Variants in UNC13C observed in about 807,000 individuals in gnomAD.
The protein encoded by UNC13C is protein unc-13 homolog C.
UNC13C carries 174 observed loss-of-function variants against 245.4 expected under a neutral mutation model. The ratio of observed to expected loss-of-function variants is 0.71; its 90% CI spans 0.63 to 0.80. UNC13C has a LOEUF of 0.80. UNC13C is among the 30% of genes least tolerant of loss of function. The pLI is 0.00. For synonymous variants in UNC13C, 992 were observed against 895.1 expected (o/e 1.11, Z -1.93); for missense variants, 2,829 against 2,602.9 (o/e 1.09, Z -1.89).
At chr15:54,281,338 G>C (rs535843450) in intron 10 of UNC13C, among the ~76,000 whole-genome samples, 5 of 152,176 alleles carry the variant, frequency 3.3e-5, no homozygotes, top group African/African-American at 1.2e-4. Context: ...AAAATGCTTT[G>C]TGTTTAAGAT....
intron 30 of UNC13C, among the ~76,000 whole-genome samples, chr15:54,591,072 C>T (rs569528820): frequency 5.3e-4 from 80 of 152,182 alleles, no homozygotes; most frequent in Non-Finnish European, 7.2e-4. Flanking sequence ...GTCTTTAATT[C>T]TGTTTATGTC....
At chr15:54,362,895 G>T (rs2039268552) in intron 17 of UNC13C, among the ~76,000 whole-genome samples, 1 of 152,184 alleles carries the variant, frequency 6.6e-6, no homozygotes, top group Non-Finnish European at 1.5e-5. Context: ...TGAGAAGAAG[G>T]CATATAAAGA....
chr15:54,446,575 T>C (rs1890827196), intron 19 of UNC13C, among the ~76,000 whole-genome samples: 1 of 152,244 alleles, frequency 6.6e-6, no homozygotes. Context: ...GGGAGTTCAC[T>C]CATGATTTGG....
chr15:54,136,384 A>G (rs2031734163), intron 2 of UNC13C, among the ~76,000 whole-genome samples: 1 of 151,968 alleles, frequency 6.6e-6, no homozygotes, highest in Middle Eastern at 3.2e-3. Context: ...AGTTTGTTAT[A>G]TTAGTGTATA....
intron 2 of UNC13C, among the ~76,000 whole-genome samples, chr15:54,056,303 C>T (rs1157794943): frequency 6.6e-6 from 1 of 152,068 alleles, no homozygotes; most frequent in Non-Finnish European, 1.5e-5. Flanking sequence ...ACGAGACCTA[C>T]GTGACGAATG....
chr15:54,201,687 A>G (rs1453717952), intron 4 of UNC13C, among the ~76,000 whole-genome samples: 3 of 152,028 alleles, frequency 2.0e-5, no homozygotes, highest in Non-Finnish European at 4.4e-5. Flanking sequence ...TCCATCTAGG[A>G]CAAACCCACA....
intron 2 of UNC13C, among the ~76,000 whole-genome samples, chr15:54,026,214 T>C (rs1269926784): frequency 6.6e-6 from 1 of 152,196 alleles, no homozygotes; most frequent in Non-Finnish European, 1.5e-5. Context: ...ATCATATATA[T>C]TGAATCCTCA....
In UNC13C at chr15:54,243,589, C is replaced by T. The variant is rs146126216; in HGVS notation, c.3228+5899C>T. Among the ~76,000 whole-genome samples, 20 of 116,428 alleles carry T rather than the reference C, an allele frequency of 1.7e-4. No individual in the cohort carries two copies. In the East Asian group the frequency reaches 4.7e-3, roughly 27 times the overall value. 76.4% of individuals were successfully genotyped at this position (116,428 alleles called of 152,430 possible). On this transcript the variant is annotated intron_variant, in intron 7 of 32. Coordinates refer to ENST00000260323, the MANE Select transcript of UNC13C (RefSeq NM_001080534.3). ...ACTATGATTGAGCTAATTTAATTCC[C>T]ACCAACAGTGTAAAGCATTCCTTTT...
chr15:54,259,759 A>G (rs1047815081), intron 8 of UNC13C, among the ~76,000 whole-genome samples: 1 of 152,216 alleles, frequency 6.6e-6, no homozygotes, highest in Non-Finnish European at 1.5e-5. Context: ...TATGCTGACT[A>G]TGTAAGTGCA....
At chr15:54,161,622 G>C (rs1007156965) in intron 4 of UNC13C, among the ~76,000 whole-genome samples, 1 of 151,830 alleles carries the variant, frequency 6.6e-6, no homozygotes, top group Non-Finnish European at 1.5e-5. Flanking sequence ...TTTTATATTA[G>C]ATACAGTAAG....
At chr15:54,631,430 A>AT (rs1901456156), downstream of UNC13C, 1 of 152,220 alleles carries the variant, frequency 6.6e-6, no homozygotes, top group African/African-American at 2.4e-5. Flanking sequence ...ATGCGTAGTC[A>AT]TGTATTAATC....
rs570377879 is a variant in UNC13C at position 54,624,098 on chromosome 15, C to T, written c.6359+144C>T. 35 of 968,774 alleles carry T rather than the reference C, an allele frequency of 3.6e-5. No individual in the cohort carries two copies. In the South Asian group the frequency reaches 5.7e-4, roughly 16 times the overall value. The allele number at this position is 968,774 out of a possible 1,614,324, so 60.0% of individuals were successfully genotyped here. On this transcript the variant is annotated intron_variant, in intron 32 of 32. Coordinates refer to ENST00000260323, the MANE Select transcript of UNC13C (RefSeq NM_001080534.3). Reference sequence around the variant, plus strand: ...CCCTTCCATTCATTCAATATCTGTTCAGTGCCTGCCATGTATCAGCCAATG... The same window carrying T: ...CCCTTCCATTCATTCAATATCTGTTTAGTGCCTGCCATGTATCAGCCAATG...
At chr15:54,160,973 T>A (rs952143892) in intron 4 of UNC13C, among the ~76,000 whole-genome samples, 5 of 152,226 alleles carry the variant, frequency 3.3e-5, no homozygotes, top group Non-Finnish European at 7.3e-5. Context: ...AAGGTTGATA[T>A]CTTAGCCTAA....
the UNC13C span, among the ~76,000 whole-genome samples, chr15:53,956,376 T>C: frequency 6.8e-3 from 1,039 of 152,042 alleles, 11 homozygotes; most frequent in African/African-American, 0.024. Flanking sequence ...GAAATTCACA[T>C]AGCAAATATG....
chr15:54,075,447 G>GCC (rs3082264), intron 2 of UNC13C, among the ~76,000 whole-genome samples: 46,088 of 112,926 alleles, frequency 0.41, 12,173 homozygotes, highest in Non-Finnish European at 0.55. Context: ...CTTGCAGTGA[G>GCC]CCGGAGCTTG....
chr15:54,598,976 T>G (rs530937029), intron 30 of UNC13C, among the ~76,000 whole-genome samples: 1 of 152,290 alleles, frequency 6.6e-6, no homozygotes, highest in Non-Finnish European at 1.5e-5. Context: ...AATTGTGCTA[T>G]GGTAAAATAA....
Position 54,250,419 on chromosome 15 carries a change from C to T in UNC13C, c.3423C>T (p.Asp1141=). 1 of 1,612,354 alleles carries T rather than the reference C, an allele frequency of 6.2e-7. No homozygotes were observed. Among genetic ancestry groups the T allele is most frequent in the East Asian group, 2.2e-5 (1 of 44,864 alleles). Residue 1141 remains aspartate, a synonymous_variant, in exon 8 of 33, where the codon GAC becomes GAT. Transcript: ENST00000260323. ...TGAAATGCCACGAAAAGTGTCAGGA[C>T]CTGCTAAACGCTGACTGCTTGCAGA... ...CGVKCHEKCQ[D]LLNADCLQRA...
chr15:53,969,142 A>G, the UNC13C span, among the ~76,000 whole-genome samples: 1 of 152,174 alleles, frequency 6.6e-6, no homozygotes, highest in East Asian at 1.9e-4. Flanking sequence ...AGATAGTAGA[A>G]GGCACAGCAG....
intron 18 of UNC13C, among the ~76,000 whole-genome samples, chr15:54,394,150 T>C (rs2140918965): frequency 6.6e-6 from 1 of 152,004 alleles, no homozygotes; most frequent in South Asian, 2.1e-4. Context: ...TTCAGTCCAA[T>C]TAAAATTCCA....
Sources: gnomAD v4.1 joint callset for allele counts (sites outside exome capture counted in the v4.1 genomes callset) on GRCh38, gnomAD v4.1.1 for gene constraint, MANE v1.5 for transcripts, NCBI Gene and HGNC (gene_info 2026-07-23, HGNC 2026-07-21) for gene names.